The following GLIS3 variants were observed in gnomAD, a reference collection of about 807,000 sequenced individuals.
GLIS3 encodes the protein GLIS family zinc finger 3.
In GLIS3, 53 loss-of-function variants were observed where a neutral mutation model predicts 78.6. The ratio of observed to expected loss-of-function variants is 0.67; its 90% CI spans 0.54 to 0.85. The LOEUF is 0.85. Among genes scored for constraint, GLIS3 ranks in the 40% least tolerant of loss-of-function variants. The pLI is 0.00. For synonymous variants in GLIS3, 684 were observed against 509.9 expected (o/e 1.34, Z -4.60); for missense variants, 1,703 against 1,231.1 (o/e 1.38, Z -5.74).
chr9:4,388,632 C>T, the GLIS3 span, among the ~76,000 whole-genome samples: 3 of 151,922 alleles, frequency 2.0e-5, no homozygotes, highest in African/African-American at 7.3e-5. Context: ...GCCGAGATGG[C>T]GCCACTGCAC....
chr9:3,902,739 G>T (rs920267680), intron 6 of GLIS3, among the ~76,000 whole-genome samples: 1 of 152,150 alleles, frequency 6.6e-6, no homozygotes, highest in African/African-American at 2.4e-5. Context: ...TAGTCTCTAA[G>T]AATTTTTATG....
intron 2 of GLIS3, among the ~76,000 whole-genome samples, chr9:4,209,862 A>T (rs1038257246): frequency 2.6e-5 from 4 of 151,876 alleles, no homozygotes; most frequent in African/African-American, 9.7e-5. Context: ...CATTGGCAAA[A>T]TCACCCCAAG....
chr9:4,387,909 A>G, the GLIS3 span, among the ~76,000 whole-genome samples: 2 of 152,204 alleles, frequency 1.3e-5, no homozygotes, highest in South Asian at 4.1e-4. Context: ...ATACATTTCT[A>G]ATCATTGCTT....
chr9:4,362,447 C>A, the GLIS3 span, among the ~76,000 whole-genome samples: 5 of 152,180 alleles, frequency 3.3e-5, no homozygotes, highest in East Asian at 9.6e-4. Flanking sequence ...GCTGAAGCTC[C>A]CTTTGTAGTT....
At chr9:4,479,904 CT>C in the GLIS3 span, among the ~76,000 whole-genome samples, 2,865 of 108,642 alleles carry the variant, frequency 0.026, 22 homozygotes, top group South Asian at 0.048. Context: ...ATTTCTTCTT[CT>C]TTTTTTTTTT....
At chr9:3,849,978 G>A (rs1023099575) in intron 9 of GLIS3, among the ~76,000 whole-genome samples, 1 of 152,072 alleles carries the variant, frequency 6.6e-6, no homozygotes, top group Non-Finnish European at 1.5e-5. Context: ...TGCGGTTGCT[G>A]TAACGTGATA....
At chr9:4,121,455 T>A (rs1383947567) in intron 3 of GLIS3, among the ~76,000 whole-genome samples, 1 of 152,190 alleles carries the variant, frequency 6.6e-6, no homozygotes, top group African/African-American at 2.4e-5. Context: ...GGAAAGTAAA[T>A]AAGTAATCAA....
chr9:3,953,787 CTCTCTCTCTATATA>C (rs773580584), intron 4 of GLIS3, among the ~76,000 whole-genome samples: 45 of 44,412 alleles, frequency 1.0e-3, no homozygotes, highest in Non-Finnish European at 1.1e-3. Context: ...CTCTCTCTCT[CTCTCTCTCTATATA>C]TATATATATA....
chr9:3,913,717 T>C (rs1056920402), intron 6 of GLIS3, among the ~76,000 whole-genome samples: 1 of 152,260 alleles, frequency 6.6e-6, no homozygotes, highest in African/African-American at 2.4e-5. Flanking sequence ...GCAATTTCTC[T>C]TCATCTTGCT....
chr9:4,308,585 G>T (rs1817286514), intron 4 of GLIS3, among the ~76,000 whole-genome samples: 1 of 152,048 alleles, frequency 6.6e-6, no homozygotes, highest in South Asian at 2.1e-4. Context: ...TCCTTGCAGT[G>T]GCTCTCAGTG....
At chr9:4,354,865 C>T in the GLIS3 span, among the ~76,000 whole-genome samples, 48 of 152,038 alleles carry the variant, frequency 3.2e-4, 3 homozygotes. Context: ...GCCTGTAATC[C>T]CAACACTTTG....
chr9:4,084,103 A>G (rs1338139107), intron 4 of GLIS3, among the ~76,000 whole-genome samples: 5 of 152,172 alleles, frequency 3.3e-5, no homozygotes, highest in Non-Finnish European at 5.9e-5. Flanking sequence ...TCTGTTTTTA[A>G]AAAGCCCATT....
At chr9:3,905,746 C>T (rs2130648853) in intron 6 of GLIS3, among the ~76,000 whole-genome samples, 1 of 152,262 alleles carries the variant, frequency 6.6e-6, no homozygotes, top group African/African-American at 2.4e-5. Context: ...AGTCACTGAA[C>T]TCAGTATCCC....
In GLIS3 at chr9:4,050,582, A is replaced by T. The variant is rs557194766; in HGVS notation, c.1710+67186T>A. 2.7e-3 allele frequency among the ~76,000 whole-genome samples: 409 copies of T among 152,278 alleles called. 3 individuals carry two copies. The highest frequency in any genetic ancestry group is 9.5e-3 in the African/African-American group (393 of 41,552). On this transcript the variant is annotated intron_variant, in intron 4 of 10. Transcript: ENST00000381971. ...TGCAGCTTGTGCACATGTACTCTAG[A>T]ACTTAAAGTATAATAATAAAAATAA...
At chr9:3,847,758 T>G (rs1819149715) in intron 9 of GLIS3, among the ~76,000 whole-genome samples, 1 of 152,236 alleles carries the variant, frequency 6.6e-6, no homozygotes, top group East Asian at 1.9e-4. Flanking sequence ...TTTTTTAGAA[T>G]TAGAACACAG....
At chr9:3,917,007 G>C (rs921208286) in intron 6 of GLIS3, among the ~76,000 whole-genome samples, 5 of 152,182 alleles carry the variant, frequency 3.3e-5, no homozygotes, top group African/African-American at 7.2e-5. Flanking sequence ...GAGATAGTGA[G>C]TTGGTCCTTA....
At chr9:3,987,616 G>C (rs1044591135) in intron 4 of GLIS3, among the ~76,000 whole-genome samples, 1 of 150,518 alleles carries the variant, frequency 6.6e-6, no homozygotes. Context: ...GCAGGCACTT[G>C]AACCCAGGAG....
At chr9:4,251,825 G>A (rs1324707027) in intron 2 of GLIS3, among the ~76,000 whole-genome samples, 1 of 152,140 alleles carries the variant, frequency 6.6e-6, no homozygotes, top group Non-Finnish European at 1.5e-5. Context: ...CTAAGCATTT[G>A]CTTGTCTGTA....
At chr9:4,297,373 G>A (rs1816632537) in intron 1 of GLIS3, among the ~76,000 whole-genome samples, 1 of 152,186 alleles carries the variant, frequency 6.6e-6, no homozygotes, top group Non-Finnish European at 1.5e-5. Context: ...TAACGTCTCT[G>A]GGGCTCGGTT....
Sources: allele counts gnomAD v4.1 joint callset (sites outside exome capture counted in the v4.1 genomes callset), GRCh38; gene constraint gnomAD v4.1.1; transcripts MANE v1.5; gene names NCBI Gene and HGNC (gene_info 2026-07-23, HGNC 2026-07-21).